Variants in GORAB observed in about 807,000 individuals in gnomAD.
The protein encoded by GORAB is golgin, RAB6 interacting.
In GORAB, 17 loss-of-function variants were observed where a neutral mutation model predicts 29.9. The ratio of observed to expected loss-of-function variants is 0.57; its 90% CI spans 0.39 to 0.85. GORAB has a LOEUF of 0.85. Ranked by LOEUF, GORAB falls within the 40% of genes least tolerant of loss-of-function variation. GORAB has a pLI of 0.00. For missense variants in GORAB, 442 were observed against 437.8 expected (o/e 1.01, Z -0.09); for synonymous variants, 183 against 157.2 (o/e 1.16, Z -1.23).
At chr1:170,537,630 G>A (rs548896978) in intron 1 of GORAB, among the ~76,000 whole-genome samples, 27 of 152,128 alleles carry the variant, frequency 1.8e-4, no homozygotes, top group Non-Finnish European at 2.8e-4. Flanking sequence ...ATCTGGCTAT[G>A]GTGACCTAAA....
intron 1 of GORAB, 121 bp downstream of exon 1, chr1:170,532,405 T>A: frequency 9.2e-7 from 1 of 1,089,316 alleles, no homozygotes; most frequent in Non-Finnish European, 1.4e-6. Context: ...GAAGGCGCTG[T>A]AAGTACGTGG....
intron 1 of GORAB, chr1:170,533,396 G>A: frequency 1.2e-5 from 4 of 326,548 alleles, no homozygotes; most frequent in South Asian, 9.7e-5. Context: ...CTGACTCTGT[G>A]TTGCTTGATA....
chr1:170,538,465 G>C (rs751892893), intron 1 of GORAB, among the ~76,000 whole-genome samples: 2 of 152,086 alleles, frequency 1.3e-5, no homozygotes, highest in Non-Finnish European at 2.9e-5. Flanking sequence ...GTTAACACTG[G>C]CATGGACAGT....
chr1:170,538,860 C>T (rs1338696900), intron 1 of GORAB, among the ~76,000 whole-genome samples: 3 of 152,214 alleles, frequency 2.0e-5, no homozygotes, highest in Non-Finnish European at 4.4e-5. Context: ...CCAGATAATT[C>T]AGTCACCTCC....
chr1:170,546,784 A>G (rs920151260), intron 4 of GORAB, among the ~76,000 whole-genome samples: 6 of 152,104 alleles, frequency 3.9e-5, no homozygotes, highest in African/African-American at 1.4e-4. Context: ...TCCCAGATTC[A>G]AGCGATCCTC....
At chr1:170,534,878 G>A (rs2183372) in intron 1 of GORAB, among the ~76,000 whole-genome samples, 97,154 of 152,034 alleles carry the variant, frequency 0.64, 31,616 homozygotes, top group East Asian at 0.99. Flanking sequence ...GCGTGGGAAT[G>A]TGATCAGGGA....
chr1:170,551,218 A>C (rs1340314912), intron 4 of GORAB, among the ~76,000 whole-genome samples: 1 of 152,222 alleles, frequency 6.6e-6, no homozygotes, highest in African/African-American at 2.4e-5. Context: ...ACTGGCAACT[A>C]ATGGGTAGAA....
At chr1:170,538,660 G>A (rs190625916) in intron 1 of GORAB, among the ~76,000 whole-genome samples, 2 of 152,226 alleles carry the variant, frequency 1.3e-5, no homozygotes, top group African/African-American at 4.8e-5. Flanking sequence ...AACAATTTAA[G>A]GTTAACTAGC....
chr1:170,548,828 A>G (rs1649916647), intron 4 of GORAB, among the ~76,000 whole-genome samples: 1 of 152,206 alleles, frequency 6.6e-6, no homozygotes, highest in African/African-American at 2.4e-5. Context: ...TACTGCAATA[A>G]TCCTATAATA....
intron 1 of GORAB, among the ~76,000 whole-genome samples, chr1:170,538,482 A>C (rs937086360): frequency 6.6e-5 from 10 of 152,192 alleles, no homozygotes; most frequent in African/African-American, 2.4e-4. Flanking sequence ...CAGTCCAAAA[A>C]GTATAATAGA....
At chr1:170,547,488 A>G (rs191746781) in intron 4 of GORAB, among the ~76,000 whole-genome samples, 6 of 152,230 alleles carry the variant, frequency 3.9e-5, no homozygotes, top group East Asian at 1.9e-4. Flanking sequence ...TGGGATTACA[A>G]TGTTGCCATA....
intron 1 of GORAB, among the ~76,000 whole-genome samples, chr1:170,537,908 A>G (rs897024282): frequency 2.0e-5 from 3 of 152,206 alleles, no homozygotes; most frequent in Non-Finnish European, 4.4e-5. Context: ...TTAATAATTC[A>G]GCTAATGAGT....
rs76365864 is a variant in GORAB at position 170,544,840 on chromosome 1, C to T, written c.657C>T (p.Tyr219=). 1.7e-3 allele frequency: 2,765 copies of T among 1,608,462 alleles called. 43 individuals are homozygous for T. In the African/African-American group the frequency reaches 0.03, roughly 17 times the overall value. ...RIDQASLDYS[Y]ARKRFDRAEA... ...ATCAGGCCAGCTTAGACTATTCATA[C>T]GCTCGGTGAGTTGGGGAAATTGAAT... Residue 219 remains tyrosine (Y), a synonymous_variant, in exon 4 of 5, where the codon TAC becomes TAT. Coordinates refer to ENST00000367763, the MANE Select transcript of GORAB (RefSeq NM_152281.3).
intron 2 of GORAB, among the ~76,000 whole-genome samples, chr1:170,541,754 C>G (rs939976619): frequency 6.6e-6 from 1 of 152,092 alleles, no homozygotes; most frequent in Non-Finnish European, 1.5e-5. Context: ...GTTTTCACAT[C>G]TTTGAATTTT....
intron 1 of GORAB, chr1:170,532,574 A>G (rs890810556): frequency 1.7e-5 from 7 of 413,338 alleles, no homozygotes; most frequent in Non-Finnish European, 3.2e-5. Flanking sequence ...AAGTGAGCCT[A>G]CAGCCGGGGT....
intron 4 of GORAB, among the ~76,000 whole-genome samples, chr1:170,551,122 G>T (rs1650081103): frequency 6.6e-6 from 1 of 152,140 alleles, no homozygotes; most frequent in South Asian, 2.1e-4. Flanking sequence ...TTAACCCAAG[G>T]ATTCTCAACT....
intron 2 of GORAB, among the ~76,000 whole-genome samples, chr1:170,540,080 A>G (rs1649320349): frequency 6.7e-6 from 1 of 150,144 alleles, no homozygotes; most frequent in African/African-American, 2.5e-5. Flanking sequence ...GCCCAAATTG[A>G]CCCCTTTTTT....
intron 4 of GORAB, chr1:170,545,216 G>T (rs2101828015): frequency 1.0e-6 from 1 of 1,000,398 alleles, no homozygotes; most frequent in African/African-American, 1.7e-5. Context: ...CCAAGTCTGT[G>T]TTCTTTCCAT....
intron 2 of GORAB, among the ~76,000 whole-genome samples, chr1:170,541,558 A>G (rs1649427326): frequency 6.6e-6 from 1 of 151,906 alleles, no homozygotes; most frequent in East Asian, 1.9e-4. Context: ...GAGAAGGACA[A>G]TTTTGGAAGG....
Sources: allele counts gnomAD v4.1 joint callset (sites outside exome capture counted in the v4.1 genomes callset), GRCh38; gene constraint gnomAD v4.1.1; transcripts MANE v1.5; gene names NCBI Gene and HGNC (gene_info 2026-07-23, HGNC 2026-07-21).